MAP7D2: variants seen among roughly 807,000 people sequenced by gnomAD.
MAP7D2 encodes MAP7 domain containing 2.
MAP7D2 carries 33 observed loss-of-function variants against 63.5 expected under a neutral mutation model. The ratio of observed to expected loss-of-function variants is 0.52; its 90% CI spans 0.39 to 0.70. The LOEUF is 0.70. MAP7D2 is among the 30% of genes least tolerant of loss of function. The pLI, the probability that MAP7D2 is intolerant of heterozygous loss-of-function variation, is 0.00. For missense variants in MAP7D2, 626 were observed against 604.0 expected (o/e 1.04, Z -0.38); for synonymous variants, 224 against 223.7 (o/e 1.00, Z -0.01).
chrX:20,016,402 G>A (rs2073392585), intron 10 of MAP7D2, 77 bp from the exon 11 acceptor site: 6 of 848,535 alleles, frequency 7.1e-6, no homozygotes, highest in South Asian at 6.6e-5. Context: ...GCTGACAGCC[G>A]AGAATAATGC....
At chrX:20,076,658 G>C (rs1044063742) in intron 1 of MAP7D2, among the ~76,000 whole-genome samples, 1 of 108,022 alleles carries the variant, frequency 9.3e-6, no homozygotes, top group African/African-American at 3.4e-5. Context: ...CCAAGATCAC[G>C]CCACTGCACT....
chrX:20,057,998 T>C (rs1006667181), intron 3 of MAP7D2, among the ~76,000 whole-genome samples: 15 of 112,686 alleles, frequency 1.3e-4, no homozygotes, highest in African/African-American at 4.8e-4. Context: ...ACATAATTTT[T>C]CTCTGAATAG....
intron 1 of MAP7D2, among the ~76,000 whole-genome samples, chrX:20,066,172 T>C (rs1374444944): frequency 2.7e-5 from 3 of 112,160 alleles, no homozygotes; most frequent in Non-Finnish European, 5.6e-5. Flanking sequence ...TCCACCCGCC[T>C]CGGCCTCCCA....
intron 1 of MAP7D2, among the ~76,000 whole-genome samples, chrX:20,097,217 T>C (rs2066295538): frequency 8.9e-6 from 1 of 112,482 alleles, no homozygotes; most frequent in African/African-American, 3.2e-5. Flanking sequence ...TAGCCACACA[T>C]GGAATTAGTT....
intron 8 of MAP7D2, among the ~76,000 whole-genome samples, chrX:20,026,795 A>G (rs930448226): frequency 1.8e-5 from 2 of 111,877 alleles, no homozygotes; most frequent in Non-Finnish European, 3.8e-5. Context: ...GACAGGGGTA[A>G]CAGCTTAGCT....
intron 1 of MAP7D2, among the ~76,000 whole-genome samples, chrX:20,082,353 CT>C (rs1354720374): frequency 8.9e-6 from 1 of 112,222 alleles, no homozygotes; most frequent in Non-Finnish European, 1.9e-5. Flanking sequence ...TACCAAGACC[CT>C]GTCTCTACAA....
intron 2 of MAP7D2, among the ~76,000 whole-genome samples, chrX:20,063,858 C>A (rs1167531680): frequency 8.9e-6 from 1 of 112,191 alleles, no homozygotes; most frequent in Non-Finnish European, 1.9e-5. Context: ...AGATGATGAC[C>A]GTGAAGTTCA....
intron 8 of MAP7D2, among the ~76,000 whole-genome samples, chrX:20,037,461 A>G (rs1441743705): frequency 9.0e-6 from 1 of 111,490 alleles, no homozygotes; most frequent in Non-Finnish European, 1.9e-5. Context: ...TTGACAGAGG[A>G]AGAGAAGACT....
Position 20,012,553 on chromosome X carries a change from G to A in MAP7D2, c.1886-18C>T. Reference sequence around the variant, plus strand: ...ATTGATTTCTGATCGAGAACACAAAGTCCCTTGTGTTAATCATAAAATGTC... The same window carrying A: ...ATTGATTTCTGATCGAGAACACAAAATCCCTTGTGTTAATCATAAAATGTC... On this transcript the variant is annotated intron_variant, in intron 14 of 16. Transcript: ENST00000379643. The A allele has an allele frequency of 8.9e-7, 1 of 1,124,593 alleles. No individual in the cohort carries two copies. Among genetic ancestry groups the A allele is most frequent in the Middle Eastern group, 2.5e-4 (1 of 4,040 alleles). The allele number at this position is 1,124,593 out of a possible 1,213,427, so 92.7% of individuals were successfully genotyped here.
At chrX:20,070,042 G>A (rs1211129829) in intron 1 of MAP7D2, among the ~76,000 whole-genome samples, 2 of 111,111 alleles carry the variant, frequency 1.8e-5, no homozygotes, top group Non-Finnish European at 3.8e-5. Context: ...TCCGCCTCCC[G>A]GGCTCAAGCG....
At chrX:20,044,709 A>T (rs2064749848) in intron 6 of MAP7D2, among the ~76,000 whole-genome samples, 185 bp from the exon 7 acceptor site, 1 of 111,607 alleles carries the variant, frequency 9.0e-6, no homozygotes. Context: ...AAGTTTATTC[A>T]AGTTTATTTC....
chrX:20,019,025 CT>C lies in MAP7D2; in HGVS notation c.1413-2701del, dbSNP rs377008672. On this transcript the variant is annotated intron_variant, in intron 10 of 16. Transcript: ENST00000379643. ...AAGTTCATCAGCTCTGTGTGTAGTCCTTTTTTTTTTTTCTTTGTAGAGGCAG... is the reference window on the plus strand; with the variant it reads ...AAGTTCATCAGCTCTGTGTGTAGTCCTTTTTTTTTTTCTTTGTAGAGGCAG... 9.4e-3 allele frequency among the ~76,000 whole-genome samples: 976 copies of C among 104,025 alleles called. 11 individuals are homozygous for C. Among genetic ancestry groups the C allele is most frequent in the African/African-American group, 0.03 (868 of 28,808 alleles). The allele number at this position is 104,025 out of a possible 115,157, so 90.3% of individuals were successfully genotyped here.
chrX:20,053,070 T>C, intron 4 of MAP7D2, 82 bp from the exon 5 acceptor site: 1 of 695,248 alleles, frequency 1.4e-6, no homozygotes, highest in Non-Finnish European at 2.3e-6. Flanking sequence ...GTGTCCTTCC[T>C]GTCCTCATCC....
At chrX:20,013,661 A>T (rs1317671932) in intron 12 of MAP7D2, 36 bp from the exon 13 acceptor site, 1 of 1,017,543 alleles carries the variant, frequency 9.8e-7, no homozygotes, top group Admixed American at 2.5e-5. Flanking sequence ...ATCAAGTAAG[A>T]GGACAATAAG....
chrX:20,081,385 A>T (rs2065773319), intron 1 of MAP7D2, among the ~76,000 whole-genome samples: 1 of 112,295 alleles, frequency 8.9e-6, no homozygotes, highest in South Asian at 3.7e-4. Flanking sequence ...CCTGGCCCAG[A>T]TGCCCATAAG....
At chrX:20,066,008 C>T (rs1458231745) in intron 1 of MAP7D2, among the ~76,000 whole-genome samples, 3 of 108,414 alleles carry the variant, frequency 2.8e-5, no homozygotes, top group East Asian at 2.9e-4. Context: ...CTGCAAGCTC[C>T]GCTTCCCGGG....
chrX:20,079,214 A>G (rs1359588564), intron 1 of MAP7D2, among the ~76,000 whole-genome samples: 1 of 110,961 alleles, frequency 9.0e-6, no homozygotes, highest in Non-Finnish European at 1.9e-5. Flanking sequence ...AGCATGGGAA[A>G]TAGGAGGTAT....
intron 5 of MAP7D2, chrX:20,052,526 T>C: frequency 4.2e-6 from 1 of 238,967 alleles, no homozygotes; most frequent in South Asian, 6.3e-5. Context: ...TAATCAACTG[T>C]ATTCCATCAT....
intron 15 of MAP7D2, among the ~76,000 whole-genome samples, chrX:20,011,749 C>T (rs192917537): frequency 8.9e-6 from 1 of 112,691 alleles, no homozygotes; most frequent in East Asian, 2.8e-4. Context: ...TCCACTCTGA[C>T]TTATCCAGCT....
Sources: allele counts gnomAD v4.1 joint callset (sites outside exome capture counted in the v4.1 genomes callset), GRCh38; gene constraint gnomAD v4.1.1; transcripts MANE v1.5; gene names NCBI Gene and HGNC (gene_info 2026-07-23, HGNC 2026-07-21).